SRL: variants seen among roughly 807,000 people sequenced by gnomAD.
SRL encodes sarcalumenin.
In SRL, 23 loss-of-function variants were observed where a neutral mutation model predicts 39.5. The ratio of observed to expected loss-of-function variants is 0.58; its 90% CI spans 0.42 to 0.82. The LOEUF is 0.82. Among genes scored for constraint, SRL ranks in the 40% least tolerant of loss-of-function variants. The pLI is 0.00. For synonymous variants in SRL, 272 were observed against 237.4 expected, an observed-to-expected ratio of 1.15 and a Z score of -1.34; for missense variants, 592 against 607.8, an observed-to-expected ratio of 0.97 and a Z score of 0.27.
chr16:4,231,967 T>C (rs1411957895), intron 1 of SRL, among the ~76,000 whole-genome samples: 1 of 152,230 alleles, frequency 6.6e-6, no homozygotes, highest in Non-Finnish European at 1.5e-5. Flanking sequence ...CCCCATTTTA[T>C]GGGTGAAGAA....
Position 4,195,026 on chromosome 16 carries a change from C to G in SRL, c.610+527G>C, listed in dbSNP as rs59346246. 2.8e-3 allele frequency among the ~76,000 whole-genome samples: 426 copies of G among 152,050 alleles called. 1 individual carries two copies. Among genetic ancestry groups the G allele is most frequent in the African/African-American group, 1.0e-2 (414 of 41,462 alleles). On this transcript the variant is annotated intron_variant, in intron 5 of 5. Transcript: ENST00000399609. Reference sequence around the variant, plus strand: ...CCTCCCAACTCAGCCTCCCGAGTAGCTGGGACTACAGTCATGTGCCACCAT... The same window carrying G: ...CCTCCCAACTCAGCCTCCCGAGTAGGTGGGACTACAGTCATGTGCCACCAT...
At chr16:4,224,547 A>G (rs1490741709) in intron 1 of SRL, among the ~76,000 whole-genome samples, 1 of 152,002 alleles carries the variant, frequency 6.6e-6, no homozygotes, top group Non-Finnish European at 1.5e-5. Flanking sequence ...CTCTATAAAA[A>G]TTTTTAAAAA....
At chr16:4,211,664 G>A (rs377255374) in intron 1 of SRL, among the ~76,000 whole-genome samples, 7 of 135,790 alleles carry the variant, frequency 5.2e-5, no homozygotes, top group South Asian at 2.4e-4. Flanking sequence ...GGTGATGACC[G>A]TGCCGATGAT....
At chr16:4,214,331 G>A (rs1012641822) in intron 1 of SRL, among the ~76,000 whole-genome samples, 1 of 152,194 alleles carries the variant, frequency 6.6e-6, no homozygotes, top group African/African-American at 2.4e-5. Context: ...ATTTGAACTA[G>A]AGCTAGCAAG....
At chr16:4,201,913 T>A (rs113179608) in intron 3 of SRL, among the ~76,000 whole-genome samples, 9 of 151,404 alleles carry the variant, frequency 5.9e-5, no homozygotes, top group Admixed American at 3.9e-4. Flanking sequence ...CTTGGCCTCC[T>A]AAAGTGCTGG....
chr16:4,220,939 T>C (rs1231840892), intron 1 of SRL, among the ~76,000 whole-genome samples: 1 of 152,198 alleles, frequency 6.6e-6, no homozygotes, highest in African/African-American at 2.4e-5. Context: ...TGAGCTATGA[T>C]TGTGCCACTG....
At chr16:4,220,502 C>T (rs2052514558) in intron 1 of SRL, among the ~76,000 whole-genome samples, 1 of 152,090 alleles carries the variant, frequency 6.6e-6, no homozygotes, top group African/African-American at 2.4e-5. Context: ...TTGCTAGAGC[C>T]TCTGATTTAC....
At position 4,195,703 on chromosome 16, in the gene SRL, C is replaced by A. The variant is rs776674759; in HGVS notation, c.460G>T (p.Asp154Tyr). 2 of 1,614,104 alleles carry A rather than the reference C, an allele frequency of 1.2e-6. No homozygotes were observed. The highest frequency in any genetic ancestry group is 1.7e-6 in the Non-Finnish European group (2 of 1,180,014). Residue 154 changes from aspartate to tyrosine, a missense_variant, in exon 5 of 6, where the codon GAC (aspartate) becomes TAC (tyrosine). By Grantham distance (160) the Asp-to-Tyr change is radical. Transcript: ENST00000399609. ...AGGGGTGAGAAGGAACGGGCGCTGT[C>A]AGCAGCCATGACGATGCCCTCGATG... ...KTIEGIVMAA[D>Y]SARSFSPLEK...
intron 3 of SRL, among the ~76,000 whole-genome samples, chr16:4,198,258 G>A (rs1437295075): frequency 2.0e-5 from 3 of 152,182 alleles, no homozygotes; most frequent in South Asian, 2.1e-4. Flanking sequence ...AAAGGAGGAC[G>A]GAGCTTCCAC....
rs1343719313 is a variant in SRL at position 4,190,050 on chromosome 16, T to C, written c.*2103A>G. The C allele has an allele frequency of 2.8e-5, 11 of 387,818 alleles. No homozygotes were observed. Among genetic ancestry groups the C allele is most frequent in the East Asian group, 3.7e-5 (1 of 27,274 alleles). 24.0% of individuals were successfully genotyped at this position (387,818 alleles called of 1,614,324 possible). A position where few individuals can be genotyped will look rare whatever the true frequency, so the allele number is the denominator to read the frequency against. On this transcript the variant is annotated 3_prime_UTR_variant, in exon 6 of 6. Coordinates refer to ENST00000399609, the MANE Select transcript of SRL (RefSeq NM_001098814.2). The stretch of plus-strand genomic sequence containing the variant: ...CTATCACAGGCTCCGTGGATGCCCC[T>C]TGCAGAACTCACTGTTCTTTCCTGG...
intron 4 of SRL, among the ~76,000 whole-genome samples, chr16:4,196,471 C>CTTTTTTTTT (rs35980213): frequency 8.1e-6 from 1 of 123,730 alleles, no homozygotes. Context: ...ATTTTGCCTT[C>CTTTTTTTTT]TTTTTTTTTT....
intron 1 of SRL, among the ~76,000 whole-genome samples, chr16:4,206,541 T>G (rs1377905032): frequency 6.6e-6 from 1 of 152,074 alleles, no homozygotes; most frequent in East Asian, 1.9e-4. Flanking sequence ...CCCCTCTCAC[T>G]GGCCCCTCCA....
chr16:4,198,810 A>T (rs574224555), intron 3 of SRL, among the ~76,000 whole-genome samples: 1 of 152,284 alleles, frequency 6.6e-6, no homozygotes, highest in East Asian at 1.9e-4. Context: ...AGTGCCCAAA[A>T]CCAAACAATG....
rs1597260767 is a variant in SRL at position 4,190,038 on chromosome 16, C to T, written c.*2115G>A. 7.9e-6 allele frequency: 3 copies of T among 380,674 alleles called. No homozygotes were observed. The highest frequency in any genetic ancestry group is 7.5e-5 in the East Asian group (2 of 26,620). 23.6% of individuals were successfully genotyped at this position (380,674 alleles called of 1,614,324 possible). ...TCTCATCAGCCCCTATCACAGGCTC[C>T]GTGGATGCCCCTTGCAGAACTCACT... On this transcript the variant is annotated 3_prime_UTR_variant, in exon 6 of 6. Coordinates refer to ENST00000399609, the MANE Select transcript of SRL (RefSeq NM_001098814.2).
At chr16:4,232,674 C>G (rs2141068572) in intron 1 of SRL, among the ~76,000 whole-genome samples, 1 of 152,296 alleles carries the variant, frequency 6.6e-6, no homozygotes, top group East Asian at 1.9e-4. Context: ...TTATGCCTGG[C>G]TAATTGTTGT....
chr16:4,204,402 A>G, intron 2 of SRL, 131 bp downstream of exon 2: 1 of 89,242 alleles, frequency 1.1e-5, no homozygotes, highest in Non-Finnish European at 2.1e-5. Context: ...TCCAGCCTCC[A>G]AGATAGATAC....
At chr16:4,210,248 T>A (rs572004320) in intron 1 of SRL, among the ~76,000 whole-genome samples, 26 of 152,228 alleles carry the variant, frequency 1.7e-4, no homozygotes, top group African/African-American at 6.0e-4. Flanking sequence ...TACATCTCTA[T>A]CTCTCCACCT....
chr16:4,231,568 C>G (rs540480033), intron 1 of SRL, among the ~76,000 whole-genome samples: 1 of 152,272 alleles, frequency 6.6e-6, no homozygotes, highest in South Asian at 2.1e-4. Flanking sequence ...ACCGCTCCCC[C>G]TTTCTCTGCA....
chr16:4,190,440 T>A lies in SRL; in HGVS notation c.*1713A>T, dbSNP rs1265572954. 5.0e-6 allele frequency: 2 copies of A among 398,568 alleles called. No individual in the cohort carries two copies. Among genetic ancestry groups the A allele is most frequent in the East Asian group, 7.1e-5 (2 of 28,076 alleles). 24.7% of individuals were successfully genotyped at this position (398,568 alleles called of 1,614,324 possible). A position where few individuals can be genotyped will look rare whatever the true frequency, so the allele number is the denominator to read the frequency against. ...GGCTGGCTGTGTACAAAGGAGCCCCTCGAGGCAGCCCGGGCTGGGTCTCCT... is the reference window on the plus strand; with the variant it reads ...GGCTGGCTGTGTACAAAGGAGCCCCACGAGGCAGCCCGGGCTGGGTCTCCT... On this transcript the variant is annotated 3_prime_UTR_variant, in exon 6 of 6. Transcript: ENST00000399609.
Sources: gnomAD v4.1 joint callset for allele counts (sites outside exome capture counted in the v4.1 genomes callset) on GRCh38, gnomAD v4.1.1 for gene constraint, MANE v1.5 for transcripts, NCBI Gene and HGNC (gene_info 2026-07-23, HGNC 2026-07-21) for gene names.